Variants in COL15A1 observed in about 807,000 individuals in gnomAD.
COL15A1 encodes the protein collagen type XV alpha 1 chain.
In COL15A1, 111 loss-of-function variants were observed where a neutral mutation model predicts 165.9. That is an observed-to-expected ratio of 0.67 (90% CI 0.57 to 0.78). The LOEUF is 0.78. Among genes scored for constraint, COL15A1 ranks in the 30% least tolerant of loss-of-function variants. The pLI, the probability that COL15A1 is intolerant of heterozygous loss-of-function variation, is 0.00. For missense variants in COL15A1, 1,745 were observed against 1,789.7 expected (o/e 0.98, Z 0.45); for synonymous variants, 659 against 674.8 (o/e 0.98, Z 0.36).
At chr9:99,058,100 G>A (rs1825753680) in intron 35 of COL15A1, among the ~76,000 whole-genome samples, 1 of 152,206 alleles carries the variant, frequency 6.6e-6, no homozygotes. Flanking sequence ...CTCTCTGCAT[G>A]CAGTTTCACG....
intron 18 of COL15A1, 92 bp from the exon 19 acceptor site, chr9:99,035,258 C>G: frequency 6.3e-7 from 1 of 1,597,424 alleles, no homozygotes. Flanking sequence ...TGTGCGGATT[C>G]CCCTGTGAGC....
At chr9:98,979,524 ATTTT>A (rs577968904) in intron 2 of COL15A1, among the ~76,000 whole-genome samples, 286 of 151,724 alleles carry the variant, frequency 1.9e-3, no homozygotes, top group African/African-American at 6.6e-3. Context: ...TTCTTTGCCC[ATTTT>A]TCTTTTGGGT....
At chr9:99,002,668 C>T (rs1433041957) in intron 7 of COL15A1, among the ~76,000 whole-genome samples, 1 of 152,176 alleles carries the variant, frequency 6.6e-6, no homozygotes, top group Non-Finnish European at 1.5e-5. Flanking sequence ...CTCAACTTTC[C>T]TCTAACTGTT....
At chr9:99,066,611 T>TGTTTGTTTGTTTG (rs1564098523) in intron 39 of COL15A1, among the ~76,000 whole-genome samples, 1 of 144,746 alleles carries the variant, frequency 6.9e-6, no homozygotes, top group African/African-American at 2.5e-5. Flanking sequence ...TTTTTTTTTT[T>TGTTTGTTTGTTTG]TTTTTTTTTT....
intron 2 of COL15A1, among the ~76,000 whole-genome samples, chr9:98,973,271 A>G (rs1357857384): frequency 1.3e-5 from 2 of 152,122 alleles, no homozygotes; most frequent in East Asian, 3.9e-4. Flanking sequence ...AGAGAGAGAG[A>G]GGGAGGAGAG....
At chr9:98,998,390 A>G (rs929050460) in intron 6 of COL15A1, among the ~76,000 whole-genome samples, 3 of 152,196 alleles carry the variant, frequency 2.0e-5, no homozygotes, top group Non-Finnish European at 4.4e-5. Flanking sequence ...GAGAGAAAAA[A>G]TTGTAGGATA....
chr9:99,042,280 G>T (rs59207500), intron 24 of COL15A1, among the ~76,000 whole-genome samples, 173 bp downstream of exon 24: 4,178 of 152,202 alleles, frequency 0.027, 178 homozygotes, highest in African/African-American at 0.097. Flanking sequence ...TCATAAGGTT[G>T]TACAACCTCA....
At chr9:99,063,212 G>C in intron 39 of COL15A1, 103 bp downstream of exon 39, 1 of 1,310,638 alleles carries the variant, frequency 7.6e-7, no homozygotes, top group Non-Finnish European at 1.0e-6. Context: ...GATACTTATA[G>C]ACTAGTGAGA....
intron 9 of COL15A1, among the ~76,000 whole-genome samples, chr9:99,012,780 C>T (rs528607457): frequency 1.5e-5 from 2 of 135,286 alleles, no homozygotes; most frequent in East Asian, 2.4e-4. Flanking sequence ...GGTACAATCT[C>T]GGCTCACTGC....
intron 11 of COL15A1, among the ~76,000 whole-genome samples, chr9:99,018,451 A>G (rs1838972486): frequency 6.6e-6 from 1 of 152,156 alleles, no homozygotes; most frequent in South Asian, 2.1e-4. Context: ...CACATATATT[A>G]ACAATCATAA....
chr9:99,016,973 C>T (rs925096245), intron 11 of COL15A1, among the ~76,000 whole-genome samples: 3 of 152,242 alleles, frequency 2.0e-5, no homozygotes, highest in African/African-American at 7.2e-5. Flanking sequence ...CCCCTTGCTC[C>T]GGGGCCTCCT....
At chr9:99,026,922 C>T (rs760957844) in intron 16 of COL15A1, among the ~76,000 whole-genome samples, 4 of 152,222 alleles carry the variant, frequency 2.6e-5, no homozygotes, top group Non-Finnish European at 5.9e-5. Context: ...CTCCTTAGAA[C>T]CTAGCACAAG....
At position 99,035,061 on chromosome 9, in the gene COL15A1, A is replaced by T. The variant is rs1309320468; in HGVS notation, c.2127A>T (p.Gly709=). ...TACCTGGACCCCCGGGGAAAAAGGG[A>T]CAAGCTGGCCCTCCTGGGGTCATGG... ...RGLPGPPGKK[G]QAGPPGVMGP... The change falls in exon 18 of 42, where the codon GGA becomes GGT. Residue 709 remains glycine (G), a synonymous_variant. Coordinates refer to ENST00000375001, the MANE Select transcript of COL15A1 (RefSeq NM_001855.5). 6.2e-7 allele frequency: 1 copy of T among 1,611,454 alleles called. No homozygotes were observed. The highest frequency in any genetic ancestry group is 8.5e-7 in the Non-Finnish European group (1 of 1,177,758).
intron 22 of COL15A1, among the ~76,000 whole-genome samples, chr9:99,039,248 C>T (rs1268920668): frequency 3.3e-5 from 5 of 152,204 alleles, no homozygotes; most frequent in Non-Finnish European, 7.3e-5. Context: ...TGGTGGCTCA[C>T]GCCTGTAATC....
intron 31 of COL15A1, among the ~76,000 whole-genome samples, chr9:99,053,717 C>T (rs373947374): frequency 3.9e-5 from 6 of 152,180 alleles, no homozygotes; most frequent in African/African-American, 1.2e-4. Flanking sequence ...ATGTAGTTGC[C>T]GCTCCCTACT....
Position 99,035,040 on chromosome 9 carries a change from T to C in COL15A1, c.2106T>C (p.Pro702=). ...GTGACCCTGGCAACAGAGGCTTACC[T>C]GGACCCCCGGGGAAAAAGGGACAAG... ...EKGDPGNRGL[P]GPPGKKGQAG... The change falls in exon 18 of 42, where the codon CCT becomes CCC. Residue 702 remains proline, a synonymous_variant. Coordinates refer to ENST00000375001, the MANE Select transcript of COL15A1 (RefSeq NM_001855.5). 1.2e-6 allele frequency: 2 copies of C among 1,613,094 alleles called. No homozygotes were observed. The highest frequency in any genetic ancestry group is 1.7e-6 in the Non-Finnish European group (2 of 1,179,238).
chr9:99,063,437 T>G (rs1825848909), intron 39 of COL15A1, among the ~76,000 whole-genome samples: 1 of 152,116 alleles, frequency 6.6e-6, no homozygotes, highest in South Asian at 2.1e-4. Context: ...GGAAGGGCTG[T>G]GCATTCCTGT....
intron 31 of COL15A1, 24 bp from the exon 32 acceptor site, chr9:99,054,552 T>A (rs751884618): frequency 2.5e-6 from 4 of 1,578,626 alleles, no homozygotes; most frequent in African/African-American, 1.4e-5. Context: ...CATTTTTTTT[T>A]AACATGTATG....
chr9:98,974,394 C>T (rs1400489050), intron 2 of COL15A1, among the ~76,000 whole-genome samples: 1 of 152,138 alleles, frequency 6.6e-6, no homozygotes, highest in Non-Finnish European at 1.5e-5. Context: ...TACCCAGGGT[C>T]CTTGGGGGCC....
Sources: allele counts gnomAD v4.1 joint callset (sites outside exome capture counted in the v4.1 genomes callset), GRCh38; gene constraint gnomAD v4.1.1; transcripts MANE v1.5; gene names NCBI Gene and HGNC (gene_info 2026-07-23, HGNC 2026-07-21).